The following GARNL3 variants were observed in gnomAD, a reference collection of about 807,000 sequenced individuals.
The protein encoded by GARNL3 is GTPase-activating Rap/Ran-GAP domain-like protein 3.
A neutral mutation model predicts 125.0 loss-of-function variants in GARNL3; 63 were observed. The ratio of observed to expected loss-of-function variants is 0.50; its 90% confidence interval spans 0.41 to 0.62. The LOEUF is 0.62. Ranked by LOEUF, GARNL3 falls within the 20% of genes least tolerant of loss-of-function variation. The probability of loss-of-function intolerance (pLI) is 0.00; values close to 1 mark genes in which losing one functional copy is unlikely to be tolerated. For synonymous variants in GARNL3, 439 were observed against 457.5 expected (o/e 0.96, Z 0.52); for missense variants, 994 against 1,244.0 (o/e 0.80, Z 3.02).
chr9:127,311,607 C>G (rs959036818), intron 2 of GARNL3, 29 bp from the exon 3 acceptor site: 1 of 1,488,114 alleles, frequency 6.7e-7, no homozygotes, highest in Non-Finnish European at 9.4e-7. Context: ...GAATAAGCCT[C>G]TTAATGTCAC....
chr9:127,359,113 C>CA lies in GARNL3; in HGVS notation c.2094+1737dup, dbSNP rs1830842905. 2.6e-5 allele frequency among the ~76,000 whole-genome samples: 4 copies of CA among 152,274 alleles called. 1 individual carries two copies. The highest frequency in any genetic ancestry group is 9.6e-5 in the African/African-American group (4 of 41,548). ...CCCACTCCCCCCACCCGCCGCCCCC[C>CA]ACTGCCTGGGCATCCCTGGACCAGC... is the stretch of plus-strand genomic sequence containing the variant. On this transcript the variant is annotated intron_variant, in intron 21 of 27. Coordinates refer to ENST00000373387, the MANE Select transcript of GARNL3 (RefSeq NM_032293.5).
chr9:127,298,177 GTTTTTTGGGGT>G (rs2064664789), intron 2 of GARNL3, among the ~76,000 whole-genome samples: 1 of 152,010 alleles, frequency 6.6e-6, no homozygotes, highest in South Asian at 2.1e-4. Context: ...TTTGTTTTTG[GTTTTTTGGGGT>G]TTTTTTGAGA....
intron 7 of GARNL3, among the ~76,000 whole-genome samples, chr9:127,327,587 G>A (rs2065614621): frequency 6.6e-6 from 1 of 152,136 alleles, no homozygotes; most frequent in Admixed American, 6.6e-5. Flanking sequence ...TTTTTTAAGA[G>A]AGGGTCTCGC....
At chr9:127,293,818 GGGAGGA>G (rs1347056420) in intron 2 of GARNL3, among the ~76,000 whole-genome samples, 5 of 152,110 alleles carry the variant, frequency 3.3e-5, no homozygotes, top group Admixed American at 3.3e-4. Flanking sequence ...CTTTTTGGTA[GGGAGGA>G]CTTATGTTTG....
Position 127,349,026 on chromosome 9 carries a change from C to T in GARNL3, c.1534C>T (p.Leu512=), listed in dbSNP as rs1346089136. The T allele has an allele frequency of 6.2e-7, 1 of 1,610,052 alleles. No homozygotes were observed. The highest frequency in any genetic ancestry group is 2.2e-5 in the East Asian group (1 of 44,866). ...LLVSTDAGVL[L]VDDDLPSVPV... ...GGTTTCCACTGATGCTGGCGTCTTGCTAGTGGATGGTTAGTGAGTAGCTGC... is the reference window on the plus strand; with the variant it reads ...GGTTTCCACTGATGCTGGCGTCTTGTTAGTGGATGGTTAGTGAGTAGCTGC... The change falls in exon 17 of 28, where the codon CTA becomes TTA. Residue 512 remains leucine (L), a synonymous_variant. Transcript: ENST00000373387.
chr9:127,342,368 A>G, intron 14 of GARNL3, 34 bp downstream of exon 14: 3 of 1,378,206 alleles, frequency 2.2e-6, no homozygotes, highest in Non-Finnish European at 3.1e-6. Flanking sequence ...TTTCCTTCTT[A>G]TGGGGTCTGA....
chr9:127,331,720 C>CTTGCTT (rs367597623), intron 7 of GARNL3, among the ~76,000 whole-genome samples: 1 of 74,414 alleles, frequency 1.3e-5, no homozygotes, highest in African/African-American at 4.8e-5. Flanking sequence ...CTTGGGCTTG[C>CTTGCTT]TTTTTTTTTT....
Position 127,336,224 on chromosome 9 carries a change from T to A in GARNL3, c.970T>A (p.Ser324Thr). ...SPAFKPSMIR[S>T]HFTHIFALVR... ...TGCCTTTAAGCCTTCCATGATCCGC[T>A]CCCACTTTACACGTATCCTGGGCCT... Residue 324 changes from serine to threonine, a missense_variant, in exon 11 of 28, where the codon TCC becomes ACC. By Grantham distance (58) the Ser-to-Thr change is moderately conservative. Transcript: ENST00000373387. 6.2e-7 allele frequency: 1 copy of A among 1,611,454 alleles called. No homozygotes were observed. The highest frequency in any genetic ancestry group is 8.5e-7 in the Non-Finnish European group (1 of 1,177,642).
chr9:127,264,152 G>C (rs754823295), upstream of GARNL3: 2 of 533,896 alleles, frequency 3.7e-6, no homozygotes, highest in Non-Finnish European at 6.3e-6. Flanking sequence ...ATATTTTGTG[G>C]ATCTCATGTG....
At chr9:127,294,270 T>G (rs1004361066) in intron 2 of GARNL3, among the ~76,000 whole-genome samples, 1 of 152,174 alleles carries the variant, frequency 6.6e-6, no homozygotes, top group Non-Finnish European at 1.5e-5. Context: ...AATTGGCAAT[T>G]CCTACAATCT....
intron 16 of GARNL3, 25 bp downstream of exon 16, chr9:127,345,502 G>A: frequency 7.0e-7 from 1 of 1,437,466 alleles, no homozygotes; most frequent in African/African-American, 1.4e-5. Context: ...CTTTCAATTT[G>A]AACTTTGAAT....
At chr9:127,237,884 T>G (rs1021963142) in intron 1 of GARNL3, among the ~76,000 whole-genome samples, 18 of 152,224 alleles carry the variant, frequency 1.2e-4, no homozygotes, top group African/African-American at 4.3e-4. Context: ...TATTCCCCAG[T>G]GTCAGTTCCA....
At chr9:127,370,445 G>C (rs1371550074) in intron 22 of GARNL3, among the ~76,000 whole-genome samples, 1 of 151,532 alleles carries the variant, frequency 6.6e-6, no homozygotes, top group African/African-American at 2.4e-5. Context: ...AAAAGAAGGG[G>C]AGAGCCTCCT....
intron 1 of GARNL3, among the ~76,000 whole-genome samples, chr9:127,275,940 T>G (rs1052899914): frequency 1.3e-5 from 2 of 152,198 alleles, no homozygotes; most frequent in Non-Finnish European, 2.9e-5. Context: ...TGAAGGCTCT[T>G]TGATTACTTT....
chr9:127,332,266 A>T lies in GARNL3; in HGVS notation c.595-8A>T, dbSNP rs1359704604. ...ATTAACTGTAACACCTTTTGTTATT[A>T]TCCTAAGGGCTCTGTGAATTTCAAG... On this transcript the variant is annotated splice_region_variant and splice_polypyrimidine_tract_variant and intron_variant, in intron 7 of 27. Coordinates refer to ENST00000373387, the MANE Select transcript of GARNL3 (RefSeq NM_032293.5). 1.2e-6 allele frequency: 2 copies of T among 1,608,276 alleles called. No homozygotes were observed. The highest frequency in any genetic ancestry group is 1.3e-5 in the African/African-American group (1 of 74,758).
At chr9:127,328,924 A>G (rs1463020202) in intron 7 of GARNL3, among the ~76,000 whole-genome samples, 1 of 152,182 alleles carries the variant, frequency 6.6e-6, no homozygotes, top group Non-Finnish European at 1.5e-5. Context: ...TCTGAGCAAG[A>G]CTTACATCCT....
Position 127,353,095 on chromosome 9 carries a change from G to C in GARNL3, c.1544-751G>C, listed in dbSNP as rs190596247. On this transcript the variant is annotated intron_variant, in intron 17 of 27. Transcript: ENST00000373387. ...GAGCAAAGTAATTGTTAGCAACTTA[G>C]ATTCTCAGTAAGTAACCTCAACAAC... 2.8e-3 allele frequency among the ~76,000 whole-genome samples: 421 copies of C among 152,276 alleles called. 3 individuals carry two copies. In the East Asian group the frequency reaches 0.051, roughly 18 times the overall value.
intron 17 of GARNL3, among the ~76,000 whole-genome samples, chr9:127,352,444 A>G (rs535714544): frequency 6.6e-6 from 1 of 152,352 alleles, no homozygotes; most frequent in East Asian, 1.9e-4. Context: ...TATTTAGCCA[A>G]CTATGATGAT....
At chr9:127,345,930 A>G (rs1480312310) in intron 16 of GARNL3, among the ~76,000 whole-genome samples, 1 of 152,226 alleles carries the variant, frequency 6.6e-6, no homozygotes, top group Non-Finnish European at 1.5e-5. Flanking sequence ...TTCAGTGTGT[A>G]TTGAATTCAC....
Sources: allele counts gnomAD v4.1 joint callset (sites outside exome capture counted in the v4.1 genomes callset), GRCh38; gene constraint gnomAD v4.1.1; transcripts MANE v1.5; gene names NCBI Gene and HGNC (gene_info 2026-07-23, HGNC 2026-07-21).